The following UGT1A6 variants were observed in gnomAD, a reference collection of about 807,000 sequenced individuals.
UGT1A6 encodes UDP-glucuronosyltransferase 1A6.
A neutral mutation model predicts 44.4 loss-of-function variants in UGT1A6; 32 were observed. The observed-to-expected ratio is 0.72, with a 90% CI of 0.54 to 0.97. UGT1A6 has a LOEUF of 0.97. UGT1A6 is among the 50% of genes least tolerant of loss of function. The probability of loss-of-function intolerance (pLI) is 0.00; values close to 1 mark genes in which losing one functional copy is unlikely to be tolerated. For missense variants in UGT1A6, 685 were observed against 661.9 expected, an observed-to-expected ratio of 1.03 and a Z score of -0.38; for synonymous variants, 238 against 248.5, an observed-to-expected ratio of 0.96 and a Z score of 0.40.
intron 1 of UGT1A6, among the ~76,000 whole-genome samples, chr2:233,745,381 C>G (rs1382208819): frequency 6.6e-6 from 1 of 151,782 alleles, no homozygotes; most frequent in Admixed American, 6.6e-5. Flanking sequence ...TTCTCTTCAC[C>G]TCCTTATTCT....
chr2:233,728,807 A>T (rs2077752310), intron 1 of UGT1A6, among the ~76,000 whole-genome samples: 1 of 152,228 alleles, frequency 6.6e-6, no homozygotes, highest in Non-Finnish European at 1.5e-5. Flanking sequence ...AGTAGGAGAC[A>T]GTGACATGAA....
Position 233,757,147 on chromosome 2 carries a change from C to T in UGT1A6, c.862-9887C>T, listed in dbSNP as rs1696419707. Among the ~76,000 whole-genome samples, 3 of 151,258 alleles carry T rather than the reference C, an allele frequency of 2.0e-5. No individual in the cohort carries two copies. The South Asian group carries it at 6.3e-4, about 32-fold the overall frequency. Reference sequence around the variant, plus strand: ...GGAGGAATGAGCTTGGACAGGTGGGCTGGGGTCTATCCCAGAGTTTTGAGA... The same window carrying T: ...GGAGGAATGAGCTTGGACAGGTGGGTTGGGGTCTATCCCAGAGTTTTGAGA... On this transcript the variant is annotated intron_variant, in intron 1 of 4. Transcript: ENST00000305139.
At chr2:233,743,378 C>G (rs1480279341) in intron 1 of UGT1A6, 1 of 1,169,844 alleles carries the variant, frequency 8.5e-7, no homozygotes, top group Non-Finnish European at 1.2e-6. Flanking sequence ...CCATCACTAC[C>G]GTAGGACATG....
At chr2:233,692,108 A>T (rs1183375551), upstream of UGT1A6, 1 of 152,198 alleles carries the variant, frequency 6.6e-6, no homozygotes, top group African/African-American at 2.4e-5. Flanking sequence ...GATGGGCAAC[A>T]ATCTAATCAA....
intron 1 of UGT1A6, among the ~76,000 whole-genome samples, chr2:233,738,054 T>A (rs1271944980): frequency 6.6e-6 from 1 of 152,146 alleles, no homozygotes; most frequent in African/African-American, 2.4e-5. Flanking sequence ...GGACAGGACA[T>A]GGTGGGAGGT....
In UGT1A6 at chr2:233,761,665, G is replaced by C. The variant is rs555006913; in HGVS notation, c.862-5369G>C. Among the ~76,000 whole-genome samples, 14 of 152,352 alleles carry C rather than the reference G, an allele frequency of 9.2e-5. No homozygotes were observed. The South Asian group carries it at 2.5e-3, about 27-fold the overall frequency. ...TTCTCTTCTAATGAGTGAATCACCA[G>C]ACAGTCAGGTTCTGACATGATACAG... On this transcript the variant is annotated intron_variant, in intron 1 of 4. Transcript: ENST00000305139.
chr2:233,745,948 A>T (rs915147322), intron 1 of UGT1A6, among the ~76,000 whole-genome samples: 2 of 151,678 alleles, frequency 1.3e-5, no homozygotes, highest in Admixed American at 1.3e-4. Flanking sequence ...GGGGTTGGGC[A>T]ACTGGGGGAC....
At chr2:233,739,962 A>G (rs1691266437) in intron 1 of UGT1A6, among the ~76,000 whole-genome samples, 1 of 151,874 alleles carries the variant, frequency 6.6e-6, no homozygotes, top group Non-Finnish European at 1.5e-5. Flanking sequence ...AGCTGATTGA[A>G]TCATATCGGC....
At chr2:233,765,641 G>C (rs914163891) in intron 1 of UGT1A6, among the ~76,000 whole-genome samples, 18 of 151,492 alleles carry the variant, frequency 1.2e-4, no homozygotes, top group Admixed American at 9.9e-4. Flanking sequence ...TTAGAGGATA[G>C]GTCAATAGGT....
chr2:233,731,432 C>T (rs2078159298), intron 1 of UGT1A6, among the ~76,000 whole-genome samples: 1 of 152,116 alleles, frequency 6.6e-6, no homozygotes, highest in Non-Finnish European at 1.5e-5. Flanking sequence ...CCATCCCTCC[C>T]CCAGTCCCCC....
At chr2:233,695,346 A>G (rs1429075001) in intron 1 of UGT1A6, among the ~76,000 whole-genome samples, 2 of 151,402 alleles carry the variant, frequency 1.3e-5, no homozygotes, top group African/African-American at 4.8e-5. Context: ...GGATGGTCTC[A>G]ATCTCTTGAC....
At chr2:233,726,260 G>T (rs2077520293) in intron 1 of UGT1A6, among the ~76,000 whole-genome samples, 1 of 152,196 alleles carries the variant, frequency 6.6e-6, no homozygotes, top group Admixed American at 6.5e-5. Context: ...GGGTGCAGTG[G>T]CATGCGCCTA....
At chr2:233,719,723 G>T (rs2076800151) in intron 1 of UGT1A6, 9 of 1,613,628 alleles carry the variant, frequency 5.6e-6, no homozygotes, top group Non-Finnish European at 6.8e-6. Flanking sequence ...CAATGTTCCA[G>T]GCAAAACACT....
intron 1 of UGT1A6, among the ~76,000 whole-genome samples, chr2:233,757,643 G>T (rs955610345): frequency 6.7e-6 from 1 of 150,102 alleles, no homozygotes; most frequent in Admixed American, 6.6e-5. Context: ...AGAACAAAAT[G>T]CTGTTTTTCT....
At chr2:233,712,790 T>G (rs28898600) in intron 1 of UGT1A6, among the ~76,000 whole-genome samples, 3,267 of 152,150 alleles carry the variant, frequency 0.021, 105 homozygotes, top group African/African-American at 0.073. Flanking sequence ...AAGATAGGAG[T>G]GATCGGTCTT....
intron 1 of UGT1A6, among the ~76,000 whole-genome samples, chr2:233,765,604 G>C (rs986298003): frequency 6.6e-5 from 10 of 151,976 alleles, no homozygotes; most frequent in African/African-American, 2.2e-4. Context: ...CAGGGCTTGT[G>C]GCGGGGTGAG....
At chr2:233,695,023 A>G (rs934384118) in intron 1 of UGT1A6, among the ~76,000 whole-genome samples, 2 of 152,150 alleles carry the variant, frequency 1.3e-5, no homozygotes, top group Non-Finnish European at 2.9e-5. Flanking sequence ...TTTGAACTGC[A>G]GTATACATTC....
At chr2:233,724,346 C>A (rs1441595042) in intron 1 of UGT1A6, among the ~76,000 whole-genome samples, 1 of 148,192 alleles carries the variant, frequency 6.7e-6, no homozygotes, top group East Asian at 2.1e-4. Flanking sequence ...GCTGACCCCC[C>A]CCACCTCCCT....
chr2:233,726,321 G>A (rs1278846802), intron 1 of UGT1A6, among the ~76,000 whole-genome samples: 1 of 152,184 alleles, frequency 6.6e-6, no homozygotes, highest in African/African-American at 2.4e-5. Context: ...GAGCTCAGGA[G>A]TTTCAGCACC....
Sources: allele counts gnomAD v4.1 joint callset (sites outside exome capture counted in the v4.1 genomes callset), GRCh38; gene constraint gnomAD v4.1.1; transcripts MANE v1.5; gene names NCBI Gene and HGNC (gene_info 2026-07-23, HGNC 2026-07-21).